Variants in EPB41L2 observed in about 807,000 individuals in gnomAD.
EPB41L2 encodes the protein band 4.1-like protein 2.
A neutral mutation model predicts 113.0 loss-of-function variants in EPB41L2; 43 were observed. The ratio of observed to expected loss-of-function variants is 0.38; its 90% CI spans 0.30 to 0.49. The LOEUF (loss-of-function observed/expected upper bound fraction) is 0.49. EPB41L2 is among the 20% of genes least tolerant of loss of function. EPB41L2 has a pLI of 0.95. For missense variants in EPB41L2, 1,147 were observed against 1,223.4 expected (o/e 0.94, Z 0.93); for synonymous variants, 442 against 436.7 (o/e 1.01, Z -0.15).
At chr6:130,857,932 G>C (rs1310554584) in intron 19 of EPB41L2, among the ~76,000 whole-genome samples, 199 bp downstream of exon 19, 3 of 152,074 alleles carry the variant, frequency 2.0e-5, no homozygotes, top group Admixed American at 2.0e-4. Context: ...ATAAATCAGA[G>C]TTATTGACAC....
chr6:130,870,515 A>C (rs1336421795), intron 14 of EPB41L2: 2 of 912,074 alleles, frequency 2.2e-6, no homozygotes, highest in Non-Finnish European at 3.4e-6. Context: ...TCAAGGTCAC[A>C]TAGAGGACAA....
intron 10 of EPB41L2, among the ~76,000 whole-genome samples, chr6:130,892,390 G>A (rs9483185): frequency 0.42 from 55,948 of 134,668 alleles, 13,112 homozygotes; most frequent in East Asian, 0.52. Flanking sequence ...TGCCATTTCT[G>A]AACAGATTAT....
At chr6:131,009,319 G>C (rs893272831) in intron 1 of EPB41L2, among the ~76,000 whole-genome samples, 1 of 152,070 alleles carries the variant, frequency 6.6e-6, no homozygotes, top group Non-Finnish European at 1.5e-5. Flanking sequence ...AGCTTCCTGA[G>C]GCCTCCCCAG....
At chr6:130,955,449 T>C in intron 2 of EPB41L2, 132 bp from the exon 3 acceptor site, 2 of 903,730 alleles carry the variant, frequency 2.2e-6, no homozygotes, top group South Asian at 1.7e-5. Flanking sequence ...TTTTAAAGAC[T>C]TGAAAATTCC....
chr6:130,974,053 T>C (rs1412743655), intron 1 of EPB41L2, among the ~76,000 whole-genome samples: 1 of 152,094 alleles, frequency 6.6e-6, no homozygotes, highest in Non-Finnish European at 1.5e-5. Flanking sequence ...ACTCTCTTAC[T>C]CTCCTACTGC....
chr6:130,908,749 T>G, intron 5 of EPB41L2, 72 bp downstream of exon 5: 2 of 1,201,700 alleles, frequency 1.7e-6, no homozygotes, highest in South Asian at 2.8e-5. Flanking sequence ...GACCATTCTA[T>G]TACTGATCAT....
intron 1 of EPB41L2, among the ~76,000 whole-genome samples, chr6:130,964,642 A>T (rs368196086): frequency 5.8e-4 from 89 of 152,240 alleles, no homozygotes; most frequent in Middle Eastern, 6.8e-3. Flanking sequence ...GAAAATAACT[A>T]TATTTGTTTA....
rs78998772 is a variant in EPB41L2 at position 130,980,040 on chromosome 6, C to T, written c.-14-23541G>A. On this transcript the variant is annotated intron_variant, in intron 1 of 19. Transcript: ENST00000337057. Reference sequence around the variant, plus strand: ...AGAAAGGAAAACAAGAAACTACTGACGAGAAAGAAGAGTCTAACGGGGAGG... The same window carrying T: ...AGAAAGGAAAACAAGAAACTACTGATGAGAAAGAAGAGTCTAACGGGGAGG... Among the ~76,000 whole-genome samples the T allele has an allele frequency of 8.5e-5, 13 of 152,198 alleles. No homozygotes were observed. The East Asian group carries it at 1.5e-3, about 18-fold the overall frequency.
chr6:130,908,823 C>A lies in EPB41L2; in HGVS notation c.851G>T (p.Arg284Ile). 2 of 1,598,888 alleles carry A rather than the reference C, an allele frequency of 1.3e-6. No individual in the cohort carries two copies. The highest frequency in any genetic ancestry group is 8.5e-7 in the Non-Finnish European group (1 of 1,170,506). ...AGAATGATTATTTATATACTTACTT[C>A]TCAGTTGTCTCTTTATTTCTTTAGC... The part of the protein sequence containing the change: ...DPAKEIKRQL[R>I]NLPWLFTFNV... Residue 284 changes from arginine to isoleucine, a missense_variant and splice_region_variant, in exon 5 of 20, where the codon AGA becomes ATA. Transcript: ENST00000337057.
chr6:130,850,199 C>A (rs1778381996), intron 19 of EPB41L2, among the ~76,000 whole-genome samples: 1 of 152,182 alleles, frequency 6.6e-6, no homozygotes, highest in South Asian at 2.1e-4. Context: ...GATCGTGCCA[C>A]TGCACTCCAG....
At chr6:130,892,967 TA>T (rs1793462057) in intron 10 of EPB41L2, among the ~76,000 whole-genome samples, 2 of 152,002 alleles carry the variant, frequency 1.3e-5, no homozygotes, top group South Asian at 4.2e-4. Context: ...GCAAAAACCT[TA>T]AAGATGAAGG....
intron 3 of EPB41L2, among the ~76,000 whole-genome samples, chr6:130,941,091 T>C (rs569911812): frequency 3.9e-5 from 6 of 152,340 alleles, no homozygotes; most frequent in African/African-American, 1.4e-4. Context: ...ATAAAAATTA[T>C]TTCTGAACAC....
rs1267382556 is a variant in EPB41L2, at chr6:130,891,403, G to T, written c.1488-937C>A. On this transcript the variant is annotated intron_variant, in intron 10 of 19. Transcript: ENST00000337057. ...GGCTCTATTAAATGCTCCAAGCAAGGGTGTCAGCTTTATTTATTTATTTAT... is the reference window on the plus strand; with the variant it reads ...GGCTCTATTAAATGCTCCAAGCAAGTGTGTCAGCTTTATTTATTTATTTAT... Among the ~76,000 whole-genome samples the T allele has an allele frequency of 2.0e-5, 3 of 148,248 alleles. 1 individual carries two copies. The highest frequency in any genetic ancestry group is 4.4e-5 in the Non-Finnish European group (3 of 67,468).
At chr6:130,854,141 G>A (rs981420941) in intron 19 of EPB41L2, among the ~76,000 whole-genome samples, 2 of 152,084 alleles carry the variant, frequency 1.3e-5, no homozygotes, top group East Asian at 3.9e-4. Context: ...CTCCTATTTT[G>A]TTCTCTCATA....
chr6:130,918,192 C>T (rs1485180320), intron 4 of EPB41L2, among the ~76,000 whole-genome samples: 2 of 152,112 alleles, frequency 1.3e-5, no homozygotes, highest in African/African-American at 4.8e-5. Flanking sequence ...TTTATATATG[C>T]AAACAGTTTA....
chr6:130,974,503 G>C (rs981244988), intron 1 of EPB41L2, among the ~76,000 whole-genome samples: 2 of 152,066 alleles, frequency 1.3e-5, no homozygotes, highest in Non-Finnish European at 2.9e-5. Flanking sequence ...AACGTTGGGA[G>C]AATTCAGAGA....
chr6:131,004,637 A>G (rs1785055922), intron 1 of EPB41L2, among the ~76,000 whole-genome samples: 1 of 152,184 alleles, frequency 6.6e-6, no homozygotes, highest in South Asian at 2.1e-4. Flanking sequence ...AGACAGTGCA[A>G]TGCAGAATCC....
intron 11 of EPB41L2, 92 bp from the exon 12 acceptor site, chr6:130,885,360 C>T: frequency 1.7e-6 from 2 of 1,209,396 alleles, no homozygotes; most frequent in East Asian, 2.3e-5. Flanking sequence ...AAACAGGCAG[C>T]ATATAAATAG....
intron 18 of EPB41L2, among the ~76,000 whole-genome samples, chr6:130,861,216 G>A (rs938370667): frequency 6.6e-6 from 1 of 151,752 alleles, no homozygotes; most frequent in Non-Finnish European, 1.5e-5. Flanking sequence ...GCAACTACAG[G>A]TGCCCGCCAC....
Sources: gnomAD v4.1 joint callset for allele counts (sites outside exome capture counted in the v4.1 genomes callset) on GRCh38, gnomAD v4.1.1 for gene constraint, MANE v1.5 for transcripts, NCBI Gene and HGNC (gene_info 2026-07-23, HGNC 2026-07-21) for gene names.